RYR1: variants seen among roughly 807,000 people sequenced by gnomAD.
RYR1 encodes the protein central core disease of muscle.
RYR1 carries 342 observed loss-of-function variants against 583.5 expected under a neutral mutation model. The observed-to-expected ratio is 0.59, with a 90% confidence interval of 0.54 to 0.64. RYR1 has a LOEUF of 0.64. Among genes scored for constraint, RYR1 ranks in the 30% least tolerant of loss-of-function variants. The pLI is 0.00. For missense variants in RYR1, 6,032 were observed against 6,917.2 expected (o/e 0.87, Z 4.54); for synonymous variants, 2,791 against 2,822.5 (o/e 0.99, Z 0.35).
intron 9 of RYR1, 142 bp downstream of exon 9, chr19:38,446,910 T>C (rs73930577): frequency 1.9e-5 from 13 of 673,822 alleles, no homozygotes; most frequent in Admixed American, 1.7e-4. Flanking sequence ...GAGAGAGAGA[T>C]GAAAATCTCG....
chr19:38,570,519 AC>A lies in RYR1; in HGVS notation c.13660-87del, dbSNP rs1973666707. The stretch of plus-strand genomic sequence containing the variant: ...TAGGAAAGATATTGAGAGCCCAGGT[AC>A]TTTGATTGCAGGTAAATGATGGGAT... On this transcript the variant is annotated intron_variant, in intron 93 of 105. Coordinates refer to ENST00000359596, the MANE Select transcript of RYR1 (RefSeq NM_000540.3). The A allele has an allele frequency of 3.5e-6, 3 of 866,848 alleles. No homozygotes were observed. In the South Asian group the frequency reaches 3.9e-5, roughly 11 times the overall value. 53.7% of individuals were successfully genotyped at this position (866,848 alleles called of 1,614,324 possible). A position where few individuals can be genotyped will look rare whatever the true frequency, so the allele number is the denominator to read the frequency against.
At chr19:38,579,460 A>G (rs1417418179) in intron 99 of RYR1, among the ~76,000 whole-genome samples, 1 of 150,560 alleles carries the variant, frequency 6.6e-6, no homozygotes, top group Non-Finnish European at 1.5e-5. Context: ...GGGTGTGGTT[A>G]CCCACACCTG....
rs200070835 is a variant in RYR1 at position 38,494,304 on chromosome 19, C to T, written c.6275-48C>T. Reference sequence around the variant, plus strand: ...TGTTCTGGTCCAAGGCCCCATGTGCCGACCTGCCCTGCATGGTGCTCCAAG... The same window carrying T: ...TGTTCTGGTCCAAGGCCCCATGTGCTGACCTGCCCTGCATGGTGCTCCAAG... On this transcript the variant is annotated intron_variant, in intron 38 of 105. Coordinates refer to ENST00000359596, the MANE Select transcript of RYR1 (RefSeq NM_000540.3). 518 of 1,609,570 alleles carry T rather than the reference C, an allele frequency of 3.2e-4. 3 individuals carry two copies. The African/African-American group carries it at 5.9e-3, about 18-fold the overall frequency.
Position 38,474,564 on chromosome 19 carries a change from C to CTTT in RYR1, c.4161-728_4161-726dup, listed in dbSNP as rs970000046. 1.4e-3 allele frequency among the ~76,000 whole-genome samples: 126 copies of CTTT among 88,224 alleles called. 11 individuals carry two copies. The highest frequency in any genetic ancestry group is 4.4e-3 in the African/African-American group (90 of 20,450). The allele number at this position is 88,224 out of a possible 152,430, so 57.9% of individuals were successfully genotyped here. ...AGACATGAGCTACCACGCCCGGCTC[C>CTTT]TTTTTTTTTTTTTTTTTTTTTTTTT... On this transcript the variant is annotated intron_variant, in intron 28 of 105. Transcript: ENST00000359596.
chr19:38,581,448 G>A (rs1232762661), intron 101 of RYR1, among the ~76,000 whole-genome samples: 2 of 152,064 alleles, frequency 1.3e-5, no homozygotes, highest in East Asian at 1.9e-4. Context: ...TGCCTGTGCC[G>A]TCGTGATCTG....
chr19:38,530,809 C>CTT (rs1378466297), intron 76 of RYR1, among the ~76,000 whole-genome samples: 1 of 146,712 alleles, frequency 6.8e-6, no homozygotes, highest in African/African-American at 2.5e-5. Flanking sequence ...GTCTCTCTCT[C>CTT]TTTTTTTTTT....
rs147918857 is a variant in RYR1 at position 38,459,298 on chromosome 19, G to T, written c.2320G>T (p.Gly774Trp). 1 of 1,614,060 alleles carries T rather than the reference G, an allele frequency of 6.2e-7. No individual in the cohort carries two copies. The change falls in exon 19 of 106, where the codon GGG becomes TGG. Residue 774 changes from glycine (G) to tryptophan (W), a missense_variant. Around this residue, in one of 11 missense-constraint regions of RYR1, gnomAD observed 2,627 missense variants for 2,961.3 expected, o/e 0.89. Transcript: ENST00000359596. ...QGVFESFNLD[G>W]LFFPVVSFSA... ...TGTCTTTGAGTCCTTCAACCTGGAC[G>T]GGCTCTTCTTCCCTGTTGTCAGCTT...
rs140584202 is a variant in RYR1, at chr19:38,587,412, C to T, written c.15109C>T (p.Leu5037Phe). 5.0e-6 allele frequency: 8 copies of T among 1,613,568 alleles called. No homozygotes were observed. Among genetic ancestry groups the T allele is most frequent in the African/African-American group, 1.3e-5 (1 of 74,874 alleles). The change falls in exon 106 of 106, where the codon CTT becomes TTT. Residue 5037 changes from leucine (L) to phenylalanine (F), a missense_variant. Physicochemically the swap from Leu to Phe is conservative, Grantham distance 22. Coordinates refer to ENST00000359596, the MANE Select transcript of RYR1 (RefSeq NM_000540.3). ...DCFRKQYEDQLS is the reference protein window; with the variant it reads ...DCFRKQYEDQFS ...TTTCCGTAAGCAGTATGAGGACCAG[C>T]TTAGCTGACACACCCCCAGCTGGCC...
chr19:38,482,553 C>T (rs553414100), intron 31 of RYR1, among the ~76,000 whole-genome samples: 5 of 152,160 alleles, frequency 3.3e-5, no homozygotes, highest in East Asian at 3.9e-4. Flanking sequence ...CAGGATCAAG[C>T]GATTCTCTCA....
chr19:38,503,014 C>T (rs1485044588), intron 49 of RYR1, 44 bp downstream of exon 49: 1 of 1,584,846 alleles, frequency 6.3e-7, no homozygotes, highest in Non-Finnish European at 8.6e-7. Flanking sequence ...AGGCCGCACC[C>T]ACTGGTTTGC....
At chr19:38,583,066 G>A (rs942815302) in intron 101 of RYR1, among the ~76,000 whole-genome samples, 5 of 152,126 alleles carry the variant, frequency 3.3e-5, no homozygotes, top group African/African-American at 1.2e-4. Context: ...GGAGGCCAAG[G>A]CAGGTGGATC....
chr19:38,484,797 G>A (rs1300561694), intron 33 of RYR1, among the ~76,000 whole-genome samples: 3 of 152,020 alleles, frequency 2.0e-5, no homozygotes, highest in Admixed American at 6.6e-5. Flanking sequence ...GTGAGAACCC[G>A]TCTCCACATT....
At chr19:38,533,733 A>G (rs951274040) in intron 78 of RYR1, among the ~76,000 whole-genome samples, 4 of 150,896 alleles carry the variant, frequency 2.7e-5, no homozygotes, top group African/African-American at 9.7e-5. Flanking sequence ...TGGAAGTTGC[A>G]GTGAGCCGAG....
rs926975279 is a variant in RYR1, at chr19:38,549,358, G to A, written c.12282+938G>A. Among the ~76,000 whole-genome samples the A allele has an allele frequency of 2.6e-5, 4 of 152,112 alleles. No homozygotes were observed. In the East Asian group the frequency reaches 5.8e-4, roughly 22 times the overall value. On this transcript the variant is annotated intron_variant, in intron 89 of 105. Coordinates refer to ENST00000359596, the MANE Select transcript of RYR1 (RefSeq NM_000540.3). ...TATAATCCCAGCAATTTGGGAGGCC[G>A]AGGTGGGAGGATCGCTTGAGCCCAA...
intron 94 of RYR1, among the ~76,000 whole-genome samples, chr19:38,571,452 G>A (rs1027683928): frequency 6.6e-6 from 1 of 152,264 alleles, no homozygotes; most frequent in Admixed American, 6.5e-5. Context: ...TGGCCACATG[G>A]TGAAACCCCG....
intron 22 of RYR1, among the ~76,000 whole-genome samples, 157 bp from the exon 23 acceptor site, chr19:38,464,482 T>C (rs1600705562): frequency 6.6e-6 from 1 of 152,120 alleles, no homozygotes; most frequent in East Asian, 1.9e-4. Context: ...ACAGAAGTCA[T>C]GAAGCCTGAG....
At position 38,440,751 on chromosome 19, in the gene RYR1, G is replaced by A. The variant is rs1248277493; in HGVS notation, c.52G>A (p.Glu18Lys). 2 of 1,607,054 alleles carry A rather than the reference G, an allele frequency of 1.2e-6. No homozygotes were observed. Among genetic ancestry groups the A allele is most frequent in the Non-Finnish European group, 1.7e-6 (2 of 1,176,854 alleles). Residue 18 changes from glutamate (E) to lysine (K), a missense_variant, in exon 2 of 106, where the codon GAG (glutamate) becomes AAG (lysine). Glu to Lys is a moderately conservative substitution (Grantham distance 56, BLOSUM62 1). This residue lies in a region of RYR1 where 71 missense variants were observed against 75.3 expected (regional missense o/e 0.94). Coordinates refer to ENST00000359596, the MANE Select transcript of RYR1 (RefSeq NM_000540.3). ...CTGCCCCTCGGTTCCGCAGGACGATGAGGTGGTCCTGCAGTGCAGCGCTAC... is the reference window on the plus strand; with the variant it reads ...CTGCCCCTCGGTTCCGCAGGACGATAAGGTGGTCCTGCAGTGCAGCGCTAC... ...DEVQFLRTDD[E>K]VVLQCSATVL...
Position 38,551,133 on chromosome 19 carries a change from C to T in RYR1, c.12282+2713C>T, listed in dbSNP as rs549208639. On this transcript the variant is annotated intron_variant, in intron 89 of 105. Coordinates refer to ENST00000359596, the MANE Select transcript of RYR1 (RefSeq NM_000540.3). Reference sequence around the variant, plus strand: ...TATGATCTTGGCTCACTGCAACCTCCGCCTCCTGGGTTCAGTGATTCTTCT... The same window carrying T: ...TATGATCTTGGCTCACTGCAACCTCTGCCTCCTGGGTTCAGTGATTCTTCT... Among the ~76,000 whole-genome samples the T allele has an allele frequency of 5.6e-5, 8 of 142,120 alleles. No homozygotes were observed. In the East Asian group the frequency reaches 8.5e-4, roughly 15 times the overall value. The allele number at this position is 142,120 out of a possible 152,430, so 93.2% of individuals were successfully genotyped here. A position where few individuals can be genotyped will look rare whatever the true frequency, so the allele number is the denominator to read the frequency against.
chr19:38,554,243 G>C (rs1972784603), intron 89 of RYR1, among the ~76,000 whole-genome samples: 1 of 149,192 alleles, frequency 6.7e-6, no homozygotes, highest in Admixed American at 6.8e-5. Flanking sequence ...CCTGAGGTCA[G>C]GAGTTCGAGA....
Sources: gnomAD v4.1 joint callset for allele counts (sites outside exome capture counted in the v4.1 genomes callset) on GRCh38, gnomAD v4.1.1 for gene constraint, gnomAD v4.1.1 regional missense constraint, MANE v1.5 for transcripts, NCBI Gene and HGNC (gene_info 2026-07-23, HGNC 2026-07-21) for gene names.